Variants in PEPD observed in about 807,000 individuals in gnomAD.
PEPD encodes the protein xaa-Pro dipeptidase.
In PEPD, 53 loss-of-function variants were observed where a neutral mutation model predicts 60.7. That is an observed-to-expected ratio of 0.87 (90% CI 0.70 to 1.10). The LOEUF (loss-of-function observed/expected upper bound fraction) is 1.10. Among genes scored for constraint, PEPD ranks in the 50% least tolerant of loss-of-function variants. The pLI is 0.00. For synonymous variants in PEPD, 267 were observed against 284.1 expected, an observed-to-expected ratio of 0.94 and a Z score of 0.60; for missense variants, 711 against 711.9, an observed-to-expected ratio of 1.00 and a Z score of 0.01.
At chr19:33,469,397 A>T (rs1293290752) in intron 7 of PEPD, among the ~76,000 whole-genome samples, 1 of 152,158 alleles carries the variant, frequency 6.6e-6, no homozygotes, top group Non-Finnish European at 1.5e-5. Flanking sequence ...CAGGAGGGCT[A>T]TTCTCAACTT....
intron 3 of PEPD, among the ~76,000 whole-genome samples, chr19:33,507,502 C>G (rs1225405307): frequency 6.6e-6 from 1 of 152,170 alleles, no homozygotes. Context: ...ACAGCAAGAC[C>G]GTTTCCACAG....
chr19:33,419,444 G>A (rs938002275), intron 9 of PEPD, among the ~76,000 whole-genome samples: 2 of 152,244 alleles, frequency 1.3e-5, no homozygotes, highest in African/African-American at 4.8e-5. Context: ...ACCCTTTGGG[G>A]GCTGAGGGAT....
intron 9 of PEPD, among the ~76,000 whole-genome samples, chr19:33,447,370 C>G (rs574871763): frequency 6.6e-6 from 1 of 152,358 alleles, no homozygotes; most frequent in Admixed American, 6.5e-5. Context: ...GTGGAATTCA[C>G]ATGAAGGAAG....
chr19:33,413,036 C>T (rs960318433), intron 10 of PEPD, among the ~76,000 whole-genome samples: 7 of 152,250 alleles, frequency 4.6e-5, no homozygotes, highest in Admixed American at 1.3e-4. Context: ...CGCACACACC[C>T]ACACAGAGCC....
At position 33,413,662 on chromosome 19, in the gene PEPD, G is replaced by A. The variant is rs771420750; in HGVS notation, c.672-19C>T. On this transcript the variant is annotated intron_variant, in intron 9 of 14. Coordinates refer to ENST00000244137, the MANE Select transcript of PEPD (RefSeq NM_000285.4). ...GAAGAGGCTGCAGGGGGAGAGACGC[G>A]TCAGGGTTGGGGCACTAGAGCAGGC... is the stretch of plus-strand genomic sequence containing the variant. 53 of 1,534,044 alleles carry A rather than the reference G, an allele frequency of 3.5e-5. No homozygotes were observed. Among genetic ancestry groups the A allele is most frequent in the East Asian group, 4.7e-5 (2 of 42,222 alleles).
At chr19:33,433,713 T>C (rs1207561204) in intron 9 of PEPD, among the ~76,000 whole-genome samples, 1 of 152,246 alleles carries the variant, frequency 6.6e-6, no homozygotes, top group African/African-American at 2.4e-5. Context: ...TAACTTTTCA[T>C]TTTCTTTCTG....
chr19:33,489,635 A>T (rs907203794), intron 6 of PEPD, among the ~76,000 whole-genome samples: 1 of 151,934 alleles, frequency 6.6e-6, no homozygotes, highest in Non-Finnish European at 1.5e-5. Context: ...TCTCAAAAAA[A>T]ATAAAAAAAT....
At chr19:33,397,328 C>T (rs1227825579) in intron 12 of PEPD, among the ~76,000 whole-genome samples, 1 of 152,004 alleles carries the variant, frequency 6.6e-6, no homozygotes, top group Non-Finnish European at 1.5e-5. Context: ...ATTTACTCTC[C>T]CTGGAAGGTC....
Position 33,387,463 on chromosome 19 carries a change from C to T in PEPD, c.1363G>A (p.Val455Ile), listed in dbSNP as rs747974977. 38 of 1,613,670 alleles carry T rather than the reference C, an allele frequency of 2.4e-5. No individual in the cohort carries two copies. Among genetic ancestry groups the T allele is most frequent in the East Asian group, 1.8e-4 (8 of 44,894 alleles). ...GFGGVRIEEDVVVTDSGIELL... is the reference protein window; with the variant it reads ...GFGGVRIEEDIVVTDSGIELL... Reference sequence around the variant, plus strand: ...TCTATGCCGCTGTCAGTCACCACGACGTCCTCCTCGATGCGGACCTGGGTC... The same window carrying T: ...TCTATGCCGCTGTCAGTCACCACGATGTCCTCCTCGATGCGGACCTGGGTC... The change falls in exon 15 of 15, where the codon GTC (valine) becomes ATC (isoleucine). Residue 455 changes from valine (V) to isoleucine (I), a missense_variant. Val to Ile is a conservative substitution (Grantham distance 29). Transcript: ENST00000244137.
intron 12 of PEPD, among the ~76,000 whole-genome samples, chr19:33,399,576 C>T (rs1328766925): frequency 1.3e-5 from 2 of 152,068 alleles, no homozygotes; most frequent in Non-Finnish European, 2.9e-5. Flanking sequence ...GACTGGGCAC[C>T]ATCTGCAAAG....
At chr19:33,409,593 T>C (rs1968717690) in intron 11 of PEPD, among the ~76,000 whole-genome samples, 1 of 152,194 alleles carries the variant, frequency 6.6e-6, no homozygotes, top group Non-Finnish European at 1.5e-5. Flanking sequence ...GAGGATCTCT[T>C]AAGCCTAGGA....
chr19:33,467,716 G>GCT (rs1970046925), intron 7 of PEPD, among the ~76,000 whole-genome samples: 2 of 152,314 alleles, frequency 1.3e-5, no homozygotes, highest in Admixed American at 1.3e-4. Flanking sequence ...TGTGGAGAGA[G>GCT]ATGAGCTGGC....
At chr19:33,474,801 G>C in intron 7 of PEPD, among the ~76,000 whole-genome samples, 1 of 152,144 alleles carries the variant, frequency 6.6e-6, no homozygotes, top group South Asian at 2.1e-4. Flanking sequence ...GGCAACACAG[G>C]AGACCCCATC....
intron 4 of PEPD, among the ~76,000 whole-genome samples, chr19:33,498,121 C>T (rs976602066): frequency 6.6e-6 from 1 of 152,044 alleles, no homozygotes; most frequent in African/African-American, 2.4e-5. Flanking sequence ...CTGGAGCCCA[C>T]GTGGGCCGCC....
At chr19:33,414,379 G>A (rs919684173) in intron 9 of PEPD, among the ~76,000 whole-genome samples, 14 of 152,354 alleles carry the variant, frequency 9.2e-5, no homozygotes, top group African/African-American at 2.4e-4. Flanking sequence ...CCTCTAGGAT[G>A]GCGGATGGTA....
intron 9 of PEPD, among the ~76,000 whole-genome samples, chr19:33,430,421 C>T (rs1421860321): frequency 6.6e-6 from 1 of 152,116 alleles, no homozygotes; most frequent in Non-Finnish European, 1.5e-5. Context: ...GATTATGATG[C>T]AGCCCCAGTG....
chr19:33,401,500 C>T (rs1205377667), intron 12 of PEPD, among the ~76,000 whole-genome samples: 1 of 152,196 alleles, frequency 6.6e-6, no homozygotes, highest in African/African-American at 2.4e-5. Flanking sequence ...TTGGCCTGAG[C>T]CCCGCAATTC....
rs371393652 is a variant in PEPD at position 33,447,976 on chromosome 19, A to T, written c.671+15019T>A. The stretch of plus-strand genomic sequence containing the variant: ...GTCGGAGTATCTAACAGGGATGGGG[A>T]GGAGCCTCAACTTTGGTTTTATCAT... On this transcript the variant is annotated intron_variant, in intron 9 of 14. Coordinates refer to ENST00000244137, the MANE Select transcript of PEPD (RefSeq NM_000285.4). Among the ~76,000 whole-genome samples, 27 of 152,308 alleles carry T rather than the reference A, an allele frequency of 1.8e-4. No individual in the cohort carries two copies. In the East Asian group the frequency reaches 3.3e-3, roughly 19 times the overall value.
At chr19:33,406,532 C>T (rs867415859) in intron 11 of PEPD, among the ~76,000 whole-genome samples, 2 of 152,170 alleles carry the variant, frequency 1.3e-5, no homozygotes, top group African/African-American at 2.4e-5. Flanking sequence ...AAGTCTCCCT[C>T]GGAGGAAACA....
Sources: allele counts gnomAD v4.1 joint callset (sites outside exome capture counted in the v4.1 genomes callset), GRCh38; gene constraint gnomAD v4.1.1; transcripts MANE v1.5; gene names NCBI Gene and HGNC (gene_info 2026-07-23, HGNC 2026-07-21).